ARB2A: variants seen among roughly 807,000 people sequenced by gnomAD.
ARB2A encodes the protein ARB2 cotranscriptional regulator A, also known as cotranscriptional regulator ARB2A.
the ARB2A span, among the ~76,000 whole-genome samples, chr5:93,672,427 A>T: frequency 4.6e-5 from 7 of 151,964 alleles, no homozygotes; most frequent in Non-Finnish European, 1.0e-4. Flanking sequence ...CTCCTGCCTC[A>T]GCCTCCTGAG....
the ARB2A span, among the ~76,000 whole-genome samples, chr5:93,911,709 G>A: frequency 3.3e-5 from 5 of 151,102 alleles, no homozygotes; most frequent in African/African-American, 1.2e-4. Flanking sequence ...TTTTTAATCC[G>A]TGTCTGAGAT....
the ARB2A span, among the ~76,000 whole-genome samples, chr5:94,069,261 C>G: frequency 6.6e-6 from 1 of 152,050 alleles, no homozygotes; most frequent in East Asian, 1.9e-4. Flanking sequence ...AACTGGAGCC[C>G]CATCATTCAT....
chr5:94,021,077 T>C, the ARB2A span, among the ~76,000 whole-genome samples: 3 of 152,248 alleles, frequency 2.0e-5, no homozygotes, highest in African/African-American at 7.2e-5. Context: ...TGGCTTGTTA[T>C]TGGTCACTAA....
chr5:93,995,611 G>T, the ARB2A span, among the ~76,000 whole-genome samples: 4 of 152,230 alleles, frequency 2.6e-5, no homozygotes, highest in South Asian at 6.2e-4. Context: ...AGTTTTAGGG[G>T]CATCAAGTTA....
At chr5:93,868,463 C>T in the ARB2A span, among the ~76,000 whole-genome samples, 14 of 152,244 alleles carry the variant, frequency 9.2e-5, no homozygotes, top group East Asian at 3.9e-4. Context: ...AGTGTGCATG[C>T]GTGAGTACTG....
the ARB2A span, among the ~76,000 whole-genome samples, chr5:93,711,097 A>G: frequency 4.0e-4 from 61 of 152,280 alleles, no homozygotes; most frequent in African/African-American, 1.3e-3. Context: ...CCTACAGCCT[A>G]AAGTTATACA....
the ARB2A span, among the ~76,000 whole-genome samples, chr5:93,827,000 G>A: frequency 6.6e-6 from 1 of 151,896 alleles, no homozygotes; most frequent in Non-Finnish European, 1.5e-5. Context: ...TATCGTTGTT[G>A]GACATTTGGG....
chr5:93,851,131 G>T, the ARB2A span, among the ~76,000 whole-genome samples: 1 of 152,172 alleles, frequency 6.6e-6, no homozygotes, highest in East Asian at 1.9e-4. Flanking sequence ...CAGACTGACA[G>T]ATAAAATGAA....
At chr5:94,057,362 C>T in the ARB2A span, among the ~76,000 whole-genome samples, 6 of 151,954 alleles carry the variant, frequency 3.9e-5, no homozygotes, top group Admixed American at 6.6e-5. Flanking sequence ...GAAAGTAGAA[C>T]GGTGGTTGCT....
chr5:94,098,584 CAA>C, the ARB2A span, among the ~76,000 whole-genome samples: 7 of 152,002 alleles, frequency 4.6e-5, no homozygotes, highest in Non-Finnish European at 8.8e-5. Context: ...ATGAGAGAAA[CAA>C]GAGCAAATCA....
chr5:94,000,213 GTA>G, the ARB2A span, among the ~76,000 whole-genome samples: 2 of 152,058 alleles, frequency 1.3e-5, no homozygotes, highest in Admixed American at 6.6e-5. Context: ...TATGGTGAGA[GTA>G]TGTTTACTTT....
At chr5:93,711,188 G>C in the ARB2A span, among the ~76,000 whole-genome samples, 2 of 148,994 alleles carry the variant, frequency 1.3e-5, no homozygotes, top group South Asian at 2.1e-4. Context: ...GATCCAACTG[G>C]TTCTATTTTT....
chr5:93,934,289 G>A, the ARB2A span, among the ~76,000 whole-genome samples: 1 of 152,068 alleles, frequency 6.6e-6, no homozygotes, highest in Non-Finnish European at 1.5e-5. Context: ...GACTATAAAA[G>A]AGAATGATAA....
chr5:93,695,321 A>AG, the ARB2A span, among the ~76,000 whole-genome samples: 1 of 152,108 alleles, frequency 6.6e-6, no homozygotes, highest in African/African-American at 2.4e-5. Context: ...AGAATCTATA[A>AG]AAACTTAAAC....
chr5:93,646,045 T>C, the ARB2A span, among the ~76,000 whole-genome samples: 1 of 152,118 alleles, frequency 6.6e-6, no homozygotes, highest in Admixed American at 6.5e-5. Flanking sequence ...TAATTACACA[T>C]GTAAAAAGAG....
At chr5:94,026,622 A>T in the ARB2A span, among the ~76,000 whole-genome samples, 1 of 152,330 alleles carries the variant, frequency 6.6e-6, no homozygotes, top group East Asian at 1.9e-4. Flanking sequence ...CAATTAGGGA[A>T]GAGTAGGTAT....
the ARB2A span, among the ~76,000 whole-genome samples, chr5:93,859,718 C>T: frequency 6.6e-6 from 1 of 152,080 alleles, no homozygotes. Context: ...CATATACAAC[C>T]TAACTAGTAA....
At chr5:93,995,121 AATC>A in the ARB2A span, among the ~76,000 whole-genome samples, 1 of 152,190 alleles carries the variant, frequency 6.6e-6, no homozygotes, top group African/African-American at 2.4e-5. Context: ...TACAGTATTA[AATC>A]ATAACTGCAT....
the ARB2A span, among the ~76,000 whole-genome samples, chr5:93,869,396 C>A: frequency 2.0e-5 from 3 of 152,116 alleles, no homozygotes; most frequent in African/African-American, 7.2e-5. Flanking sequence ...TTACCTTAGA[C>A]AAAGGGAGCT....
Sources: allele counts gnomAD v4.1 joint callset (sites outside exome capture counted in the v4.1 genomes callset), GRCh38; gene constraint gnomAD v4.1.1; transcripts MANE v1.5; gene names NCBI Gene and HGNC (gene_info 2026-07-23, HGNC 2026-07-21).